The following THSD4 variants were observed in gnomAD, a reference collection of about 807,000 sequenced individuals.
The protein encoded by THSD4 is thrombospondin type 1 domain containing 4, also known as thrombospondin type-1 domain-containing protein 4.
Under a neutral mutation model 119.0 loss-of-function variants are expected in THSD4, and 69 were observed. The observed-to-expected ratio is 0.58, with a 90% CI of 0.48 to 0.71. THSD4 has a LOEUF of 0.71. Among genes scored for constraint, THSD4 ranks in the 30% least tolerant of loss-of-function variants. The probability of loss-of-function intolerance (pLI) is 0.00; values close to 1 mark genes in which losing one functional copy is unlikely to be tolerated. For missense variants in THSD4, 1,393 were observed against 1,391.1 expected (o/e 1.00, Z -0.02); for synonymous variants, 524 against 540.4 (o/e 0.97, Z 0.42).
intron 3 of THSD4, chr15:71,172,181 TG>T (rs1172024428): frequency 6.6e-5 from 10 of 151,848 alleles, no homozygotes; most frequent in Admixed American, 3.3e-4. Context: ...GAAAATTAGC[TG>T]GGTGTGGTGG....
In THSD4 at chr15:71,199,472, T is replaced by TGGTGTGTGTGTGTGG. The variant is rs1567154481; in HGVS notation, c.100-15552_100-15538dup. 1.2e-3 allele frequency among the ~76,000 whole-genome samples: 164 copies of TGGTGTGTGTGTGTGG among 132,862 alleles called. 2 individuals are homozygous for TGGTGTGTGTGTGTGG. The highest frequency in any genetic ancestry group is 0.012 in the Admixed American group (156 of 13,386). The allele number at this position is 132,862 out of a possible 152,430, so 87.2% of individuals were successfully genotyped here. A position where few individuals can be genotyped will look rare whatever the true frequency, so the allele number is the denominator to read the frequency against. ...GTGTGTGGGGGGGGGTGTGTGTGTG[T>TGGTGTGTGTGTGTGG]GGTGTGTGTGTGTGGGGTGTGTGTG... On this transcript the variant is annotated intron_variant, in intron 3 of 17. Coordinates refer to ENST00000261862, the MANE Select transcript of THSD4 (RefSeq NM_024817.3).
rs1435629037 is a variant in THSD4, at chr15:71,589,356, A to AT, written c.1153-71171dup. 5.3e-5 allele frequency among the ~76,000 whole-genome samples: 7 copies of AT among 132,688 alleles called. 1 individual carries two copies. The highest frequency in any genetic ancestry group is 2.4e-4 in the South Asian group (1 of 4,134). The allele number at this position is 132,688 out of a possible 152,430, so 87.0% of individuals were successfully genotyped here. On this transcript the variant is annotated intron_variant, in intron 7 of 17. Coordinates refer to ENST00000261862, the MANE Select transcript of THSD4 (RefSeq NM_024817.3). ...CTGGTGTGATATAAATTATTTATTT[A>AT]TTTATTTTTTTATTTATTGGAGACA... is the stretch of plus-strand genomic sequence containing the variant.
intron 8 of THSD4, among the ~76,000 whole-genome samples, chr15:71,663,374 A>G (rs1243442844): frequency 6.6e-6 from 1 of 152,226 alleles, no homozygotes; most frequent in Non-Finnish European, 1.5e-5. Flanking sequence ...AATATTACAT[A>G]AGGTCCCGTG....
intron 6 of THSD4, among the ~76,000 whole-genome samples, chr15:71,367,280 A>C (rs2045978294): frequency 6.6e-6 from 1 of 151,662 alleles, no homozygotes; most frequent in Non-Finnish European, 1.5e-5. Context: ...ACTGATTACC[A>C]CTATGCCATT....
At chr15:71,372,144 A>G (rs187047394) in intron 6 of THSD4, among the ~76,000 whole-genome samples, 28 of 152,138 alleles carry the variant, frequency 1.8e-4, no homozygotes, top group African/African-American at 6.7e-4. Flanking sequence ...TCATTTAAGG[A>G]CTTCTCTGCA....
chr15:71,531,802 C>G (rs553884201), intron 7 of THSD4, among the ~76,000 whole-genome samples: 1 of 152,110 alleles, frequency 6.6e-6, no homozygotes, highest in Non-Finnish European at 1.5e-5. Context: ...TTAGTCTCCC[C>G]GATATTTTCC....
intron 7 of THSD4, among the ~76,000 whole-genome samples, chr15:71,586,513 G>A (rs1267818076): frequency 6.6e-6 from 1 of 152,178 alleles, no homozygotes; most frequent in African/African-American, 2.4e-5. Flanking sequence ...GCTGAGGGAT[G>A]CTTTGAGAGT....
intron 8 of THSD4, among the ~76,000 whole-genome samples, chr15:71,718,911 CAT>C (rs1291022246): frequency 1.3e-5 from 2 of 152,194 alleles, no homozygotes; most frequent in African/African-American, 2.4e-5. Context: ...CTGACTGCTC[CAT>C]GGACTCAGCT....
chr15:71,765,240 C>T (rs770560419), intron 16 of THSD4, 41 bp downstream of exon 16: 31 of 1,586,326 alleles, frequency 2.0e-5, no homozygotes, highest in Non-Finnish European at 2.3e-5. Context: ...ATTGGCACAA[C>T]GTCCCCCACC....
At chr15:71,629,500 G>C (rs950668) in intron 7 of THSD4, among the ~76,000 whole-genome samples, 1 of 151,892 alleles carries the variant, frequency 6.6e-6, no homozygotes, top group Non-Finnish European at 1.5e-5. Flanking sequence ...GCCACACTCA[G>C]ATATCACCCG....
intron 1 of THSD4, among the ~76,000 whole-genome samples, chr15:71,120,293 G>A (rs1407140199): frequency 1.3e-5 from 2 of 152,122 alleles, no homozygotes; most frequent in African/African-American, 4.8e-5. Flanking sequence ...AGAGGCAGCA[G>A]TTTTGTGTAT....
At chr15:71,447,120 T>TTG (rs2047195593) in intron 7 of THSD4, among the ~76,000 whole-genome samples, 3 of 133,044 alleles carry the variant, frequency 2.3e-5, no homozygotes, top group East Asian at 2.6e-4. Context: ...TTTTTTTTGT[T>TTG]TTTTTTTTTT....
intron 6 of THSD4, among the ~76,000 whole-genome samples, chr15:71,340,774 A>G (rs1163884253): frequency 6.6e-6 from 1 of 151,748 alleles, no homozygotes; most frequent in African/African-American, 2.4e-5. Flanking sequence ...CCTGGCTAAT[A>G]TTTTTAGTAG....
chr15:71,713,495 A>T (rs1441011736), intron 8 of THSD4, among the ~76,000 whole-genome samples: 1 of 152,216 alleles, frequency 6.6e-6, no homozygotes, highest in Non-Finnish European at 1.5e-5. Context: ...ACACAATCTT[A>T]CAGCATCTTA....
chr15:71,327,886 A>G (rs2045366948), intron 6 of THSD4, among the ~76,000 whole-genome samples: 1 of 152,180 alleles, frequency 6.6e-6, no homozygotes, highest in Admixed American at 6.5e-5. Flanking sequence ...ACCTGATACC[A>G]TTTGAGCCTC....
chr15:71,494,638 G>A (rs1454448134), intron 7 of THSD4, among the ~76,000 whole-genome samples: 1 of 149,004 alleles, frequency 6.7e-6, no homozygotes, highest in Non-Finnish European at 1.5e-5. Context: ...TTTAAGTTCT[G>A]TTTCAGATCA....
chr15:71,515,473 T>C (rs1340229174), intron 7 of THSD4, among the ~76,000 whole-genome samples: 1 of 152,198 alleles, frequency 6.6e-6, no homozygotes, highest in Non-Finnish European at 1.5e-5. Context: ...TTGTCTGTAG[T>C]TGTGTAATCA....
At chr15:71,589,723 G>T (rs1009082109) in intron 7 of THSD4, among the ~76,000 whole-genome samples, 3 of 139,318 alleles carry the variant, frequency 2.2e-5, no homozygotes, top group Non-Finnish European at 3.3e-5. Flanking sequence ...AAAATCCCTT[G>T]TACATGTGTG....
intron 9 of THSD4, 80 bp downstream of exon 9, chr15:71,728,804 A>G (rs1441313100): frequency 6.4e-7 from 1 of 1,551,650 alleles, no homozygotes; most frequent in Admixed American, 1.7e-5. Context: ...ACAAATAAGC[A>G]ACAAATCATT....
Sources: allele counts gnomAD v4.1 joint callset (sites outside exome capture counted in the v4.1 genomes callset), GRCh38; gene constraint gnomAD v4.1.1; transcripts MANE v1.5; gene names NCBI Gene and HGNC (gene_info 2026-07-23, HGNC 2026-07-21).